Variants in NEDD4 observed in about 807,000 individuals in gnomAD.
The protein encoded by NEDD4 is E3 ubiquitin-protein ligase NEDD4.
Under a neutral mutation model 144.9 loss-of-function variants are expected in NEDD4, and 99 were observed. The ratio of observed to expected loss-of-function variants is 0.68; its 90% confidence interval spans 0.58 to 0.81. NEDD4 has a LOEUF of 0.81. NEDD4 is among the 30% of genes least tolerant of loss of function. The pLI is 0.00. For synonymous variants in NEDD4, 318 were observed against 350.6 expected, an observed-to-expected ratio of 0.91 and a Z score of 1.04; for missense variants, 985 against 1,065.9, an observed-to-expected ratio of 0.92 and a Z score of 1.06.
At chr15:55,941,755 T>A (rs1450692830) in intron 4 of NEDD4, among the ~76,000 whole-genome samples, 1 of 152,106 alleles carries the variant, frequency 6.6e-6, no homozygotes, top group African/African-American at 2.4e-5. Flanking sequence ...TTTTCTTTAG[T>A]AGAGGCGGGG....
At chr15:55,910,879 C>T (rs1325910585) in intron 5 of NEDD4, among the ~76,000 whole-genome samples, 4 of 152,110 alleles carry the variant, frequency 2.6e-5, no homozygotes, top group African/African-American at 4.8e-5. Flanking sequence ...AAATTGTCTT[C>T]TAAAAACCTT....
chr15:55,848,348 G>GAGC, intron 17 of NEDD4, 24 bp downstream of exon 17: 1 of 1,611,356 alleles, frequency 6.2e-7, no homozygotes, highest in Non-Finnish European at 8.5e-7. Flanking sequence ...AGTCCCATCA[G>GAGC]AGCACACTGG....
At chr15:55,878,827 GTTTT>G (rs2142083613) in intron 5 of NEDD4, among the ~76,000 whole-genome samples, 1 of 152,270 alleles carries the variant, frequency 6.6e-6, no homozygotes, top group African/African-American at 2.4e-5. Flanking sequence ...TTGTTTGTTT[GTTTT>G]GTTTTTTTGA....
intron 5 of NEDD4, among the ~76,000 whole-genome samples, chr15:55,884,789 G>A (rs2035327453): frequency 6.6e-6 from 1 of 152,022 alleles, no homozygotes; most frequent in Admixed American, 6.6e-5. Context: ...AAACAATGAA[G>A]CACACCTACA....
intron 4 of NEDD4, among the ~76,000 whole-genome samples, chr15:55,939,813 C>T (rs567455538): frequency 6.6e-6 from 1 of 151,938 alleles, no homozygotes; most frequent in African/African-American, 2.4e-5. Flanking sequence ...TAAAGGTTCC[C>T]CAAAAAATTA....
At chr15:55,906,234 C>T (rs191507921) in intron 5 of NEDD4, among the ~76,000 whole-genome samples, 1 of 152,064 alleles carries the variant, frequency 6.6e-6, no homozygotes. Context: ...CGATTCCTCA[C>T]GGATCTAGAA....
intron 5 of NEDD4, among the ~76,000 whole-genome samples, chr15:55,893,757 G>A (rs575830432): frequency 1.3e-5 from 2 of 148,192 alleles, no homozygotes; most frequent in African/African-American, 2.5e-5. Context: ...TATTTTAAAT[G>A]AACATCCTTC....
Position 55,842,004 on chromosome 15 carries a change from T to A in NEDD4, c.1768A>T (p.Arg590Ter). The change falls in exon 19 of 29, where the codon AGA (arginine) becomes TGA (stop). Residue 590 changes from arginine (R) to a stop codon, truncating the protein, a stop_gained. Coordinates refer to ENST00000435532, the MANE Select transcript of NEDD4 (RefSeq NM_006154.4). LOFTEE classifies it high-confidence loss of function. ...TTTGAGATCAGGAAGAACCATTCTC[T>A]GGCAACTCCTCCATAATCCAATCCC... ...EKGLDYGGVA[R>*]EWFFLISKEM... 1 of 1,614,248 alleles carries A rather than the reference T, an allele frequency of 6.2e-7. No homozygotes were observed.
At position 55,842,154 on chromosome 15, in the gene NEDD4, G is replaced by T. The variant is rs1282521751; in HGVS notation, c.1618C>A (p.Pro540Thr). The T allele has an allele frequency of 6.2e-7, 1 of 1,613,668 alleles. No homozygotes were observed. The highest frequency in any genetic ancestry group is 1.3e-5 in the African/African-American group (1 of 74,888). The change falls in exon 19 of 29, where the codon CCA becomes ACA. Residue 540 changes from proline (P) to threonine (T), a missense_variant. Pro to Thr is a conservative substitution (Grantham distance 38). Transcript: ENST00000435532. ...CGAAGTTTCATTTCAAATTTGTTTG[G>T]AATGTCATTCTGAAAATCCAGAGGA... ...RRKLKKQNDI[P>T]NKFEMKLRRA...
intron 2 of NEDD4, among the ~76,000 whole-genome samples, chr15:55,961,344 A>T (rs1266043585): frequency 2.0e-5 from 3 of 152,226 alleles, no homozygotes; most frequent in African/African-American, 2.4e-5. Flanking sequence ...TAGAAAAAAA[A>T]ATACAACAGC....
Position 55,847,042 on chromosome 15 carries a change from T to C in NEDD4, c.1543-8A>G. 6.4e-7 allele frequency: 1 copy of C among 1,572,094 alleles called. No individual in the cohort carries two copies. The highest frequency in any genetic ancestry group is 8.7e-7 in the Non-Finnish European group (1 of 1,154,462). On this transcript the variant is annotated splice_region_variant and splice_polypyrimidine_tract_variant and intron_variant, in intron 17 of 28. Coordinates refer to ENST00000435532, the MANE Select transcript of NEDD4 (RefSeq NM_006154.4). ...CCTGGAGTAGGGCACTGCCTTTAGT[T>C]GGAAATTTTGGAAAAATAAAGAAGT...
intron 5 of NEDD4, among the ~76,000 whole-genome samples, chr15:55,878,546 TC>T (rs1247574976): frequency 2.0e-5 from 3 of 152,148 alleles, no homozygotes; most frequent in Non-Finnish European, 4.4e-5. Context: ...TGTGGTGCAA[TC>T]AAAACTCTCT....
At chr15:55,839,839 G>T (rs1298121818) in intron 21 of NEDD4, among the ~76,000 whole-genome samples, 3 of 150,784 alleles carry the variant, frequency 2.0e-5, no homozygotes, top group African/African-American at 7.3e-5. Context: ...AGCTGAGTGT[G>T]GTGGTGCGCG....
chr15:55,964,390 T>C (rs1236909419), intron 2 of NEDD4, among the ~76,000 whole-genome samples: 6 of 152,108 alleles, frequency 3.9e-5, no homozygotes, highest in African/African-American at 1.4e-4. Context: ...TTAAGTTCAG[T>C]TAATCTTTCC....
rs1566915777 is a variant in NEDD4 at position 55,860,417 on chromosome 15, G to A, written c.950C>T (p.Ala317Val). ...CTAAGAGCATCTTACTGAGCTCGAT[G>A]CTGGCTGGCTCACGGCTGAATTTCC... ...IFGNSAVSQP[A>V]SSSNHSSRRG... is the part of the protein sequence containing the mutation. The change falls in exon 11 of 29, where the codon GCA (alanine) becomes GTA (valine). Residue 317 changes from alanine to valine, a missense_variant. Coordinates refer to ENST00000435532, the MANE Select transcript of NEDD4 (RefSeq NM_006154.4). The A allele has an allele frequency of 6.2e-7, 1 of 1,613,972 alleles. No homozygotes were observed.
chr15:55,829,659 T>A lies in NEDD4; in HGVS notation c.*238A>T. 2 of 388,484 alleles carry A rather than the reference T, an allele frequency of 5.1e-6. No individual in the cohort carries two copies. Among genetic ancestry groups the A allele is most frequent in the Non-Finnish European group, 9.3e-6 (2 of 214,620 alleles). 24.1% of individuals were successfully genotyped at this position (388,484 alleles called of 1,614,324 possible). On this transcript the variant is annotated 3_prime_UTR_variant, in exon 29 of 29. Transcript: ENST00000435532. ...AAAGCCAGGTGTGGTGGTGCCTGGC[T>A]TTAGGCAGGCACCTAACTCTAAAGA...
chr15:55,943,290 G>A (rs915380210), intron 4 of NEDD4, among the ~76,000 whole-genome samples: 1 of 152,214 alleles, frequency 6.6e-6, no homozygotes, highest in Non-Finnish European at 1.5e-5. Flanking sequence ...GGAGCTGAAT[G>A]TTCATAGCCA....
intron 4 of NEDD4, among the ~76,000 whole-genome samples, chr15:55,929,635 T>C (rs1015009668): frequency 1.3e-5 from 2 of 152,164 alleles, no homozygotes; most frequent in African/African-American, 4.8e-5. Context: ...AAAATATAAA[T>C]GGTAACTAAA....
At chr15:55,884,327 G>C (rs1389218711) in intron 5 of NEDD4, among the ~76,000 whole-genome samples, 1 of 152,118 alleles carries the variant, frequency 6.6e-6, no homozygotes, top group African/African-American at 2.4e-5. Context: ...AGAAGGATGG[G>C]TAAAAATAAG....
Sources: allele counts gnomAD v4.1 joint callset (sites outside exome capture counted in the v4.1 genomes callset), GRCh38; gene constraint gnomAD v4.1.1; transcripts MANE v1.5; gene names NCBI Gene and HGNC (gene_info 2026-07-23, HGNC 2026-07-21).